The following MAGI1 variants were observed in gnomAD, a reference collection of about 807,000 sequenced individuals.
MAGI1 encodes the protein membrane associated guanylate kinase, WW and PDZ domain containing 1, also known as membrane-associated guanylate kinase, WW and PDZ domain-containing protein 1.
MAGI1 carries 58 observed loss-of-function variants against 139.9 expected under a neutral mutation model. That is an observed-to-expected ratio of 0.41 (90% confidence interval 0.34 to 0.52). MAGI1 has a LOEUF of 0.52. MAGI1 is among the 20% of genes least tolerant of loss of function. MAGI1 has a pLI of 0.12. For missense variants in MAGI1, 1,874 were observed against 1,901.6 expected, an observed-to-expected ratio of 0.99 and a Z score of 0.27; for synonymous variants, 812 against 737.9, an observed-to-expected ratio of 1.10 and a Z score of -1.63.
chr3:65,808,840 T>A (rs1575574157), intron 1 of MAGI1, among the ~76,000 whole-genome samples: 4 of 152,334 alleles, frequency 2.6e-5, no homozygotes, highest in Middle Eastern at 3.4e-3. Context: ...CAGATTTTTT[T>A]AAAGTGCATT....
chr3:65,688,424 C>T (rs528515646), intron 1 of MAGI1: 1 of 523,726 alleles, frequency 1.9e-6, no homozygotes, highest in Non-Finnish European at 3.7e-6. Flanking sequence ...GACAGAAGAA[C>T]CACCTCAAGG....
At chr3:65,630,641 T>C (rs943262386) in intron 1 of MAGI1, among the ~76,000 whole-genome samples, 4 of 152,158 alleles carry the variant, frequency 2.6e-5, no homozygotes, top group African/African-American at 9.7e-5. Flanking sequence ...TTCTCACTTA[T>C]AAGTGGAAGC....
intron 1 of MAGI1, among the ~76,000 whole-genome samples, chr3:65,682,964 A>G (rs947524520): frequency 1.3e-5 from 2 of 152,092 alleles, no homozygotes; most frequent in African/African-American, 4.8e-5. Context: ...TCCACCTCAG[A>G]TCATTAGGCA....
intron 1 of MAGI1, among the ~76,000 whole-genome samples, chr3:65,683,438 T>C (rs2087733340): frequency 6.6e-6 from 1 of 151,540 alleles, no homozygotes; most frequent in Non-Finnish European, 1.5e-5. Flanking sequence ...TGAATTTTGC[T>C]GTGAACTTAA....
chr3:65,638,587 T>A (rs2084782854), intron 1 of MAGI1, among the ~76,000 whole-genome samples: 1 of 135,628 alleles, frequency 7.4e-6, no homozygotes, highest in Non-Finnish European at 1.5e-5. Flanking sequence ...TGCGCCACCA[T>A]GCTCTCCTGA....
chr3:65,721,067 A>T (rs538655281), intron 1 of MAGI1, among the ~76,000 whole-genome samples: 12 of 152,112 alleles, frequency 7.9e-5, no homozygotes, highest in African/African-American at 2.9e-4. Context: ...AAACTTACCG[A>T]GCTGCTGTTA....
chr3:65,396,221 T>C (rs557569965), intron 13 of MAGI1, among the ~76,000 whole-genome samples: 8 of 152,262 alleles, frequency 5.3e-5, no homozygotes, highest in African/African-American at 1.9e-4. Context: ...CATATTAAGA[T>C]AGGAATTTCC....
intron 1 of MAGI1, among the ~76,000 whole-genome samples, chr3:65,675,026 G>A (rs919316802): frequency 6.6e-6 from 1 of 152,020 alleles, no homozygotes; most frequent in African/African-American, 2.4e-5. Flanking sequence ...CATGGGGCTG[G>A]CTCTGCTGTA....
At chr3:65,457,138 C>T (rs770100453) in intron 5 of MAGI1, among the ~76,000 whole-genome samples, 9 of 152,082 alleles carry the variant, frequency 5.9e-5, no homozygotes, top group Admixed American at 1.3e-4. Flanking sequence ...TTGGGGAGCA[C>T]TGACATCTCT....
At chr3:65,735,356 C>CATGTGTGTGTGTGT (rs1553699336) in intron 1 of MAGI1, among the ~76,000 whole-genome samples, 3,647 of 148,164 alleles carry the variant, frequency 0.025, 143 homozygotes, top group African/African-American at 0.085. Context: ...TGTGTCTGCA[C>CATGTGTGTGTGTGT]GTGTGTGTGT....
intron 2 of MAGI1, among the ~76,000 whole-genome samples, chr3:65,494,792 C>T (rs1524969): frequency 0.55 from 83,795 of 152,160 alleles, 23,647 homozygotes; most frequent in East Asian, 0.75. Flanking sequence ...ACCGCATCCA[C>T]ACCTACACTG....
intron 4 of MAGI1, among the ~76,000 whole-genome samples, chr3:65,472,198 CAAAAT>C (rs1229751632): frequency 6.6e-6 from 1 of 151,992 alleles, no homozygotes; most frequent in Non-Finnish European, 1.5e-5. Context: ...TAATCAATAA[CAAAAT>C]AAATTCAAAA....
rs75120750 is a variant in MAGI1 at position 65,820,728 on chromosome 3, T to C, written c.314-198640A>G. Among the ~76,000 whole-genome samples, 151 of 152,292 alleles carry C rather than the reference T, an allele frequency of 9.9e-4. 3 individuals are homozygous for C. In the East Asian group the frequency reaches 0.024, roughly 25 times the overall value. On this transcript the variant is annotated intron_variant, in intron 1 of 22. Coordinates refer to ENST00000402939, the MANE Select transcript of MAGI1 (RefSeq NM_001033057.2). Reference sequence around the variant, plus strand: ...GGACTCTGTTGTCTTAAGTAAATAATGTGCTTCAGGCACATTTTGAGTAGT... The same window carrying C: ...GGACTCTGTTGTCTTAAGTAAATAACGTGCTTCAGGCACATTTTGAGTAGT...
chr3:65,422,879 G>A (rs777728966), intron 12 of MAGI1, among the ~76,000 whole-genome samples: 39 of 152,086 alleles, frequency 2.6e-4, no homozygotes, highest in Non-Finnish European at 4.7e-4. Flanking sequence ...CCCTGACACA[G>A]GACTTTGGAG....
At position 65,830,938 on chromosome 3, in the gene MAGI1, A is replaced by G. The variant is rs372264609; in HGVS notation, c.313+207058T>C. Reference sequence around the variant, plus strand: ...CATTGGGTGGTTTTAGAAAGGTTACACAGTATCTTTAAAATGTAAACTCAT... The same window carrying G: ...CATTGGGTGGTTTTAGAAAGGTTACGCAGTATCTTTAAAATGTAAACTCAT... On this transcript the variant is annotated intron_variant, in intron 1 of 22. Transcript: ENST00000402939. Among the ~76,000 whole-genome samples the G allele has an allele frequency of 3.9e-4, 59 of 152,304 alleles. No homozygotes were observed. The East Asian group carries it at 0.01, about 26-fold the overall frequency.
At chr3:66,023,260 GA>G (rs1343469057) in intron 1 of MAGI1, among the ~76,000 whole-genome samples, 1 of 152,190 alleles carries the variant, frequency 6.6e-6, no homozygotes, top group Non-Finnish European at 1.5e-5. Flanking sequence ...AAGGGGACTA[GA>G]GAAGGAGAGA....
In MAGI1 at chr3:65,430,822, G is replaced by A. The variant is rs1251832337; in HGVS notation, c.1423C>T (p.Leu475=). 3 of 1,613,456 alleles carry A rather than the reference G, an allele frequency of 1.9e-6. No individual in the cohort carries two copies. The highest frequency in any genetic ancestry group is 1.6e-4 in the Middle Eastern group (1 of 6,082). The change falls in exon 11 of 23, where the codon CTG becomes TTG. Residue 475 remains leucine (L), a synonymous_variant. Coordinates refer to ENST00000402939, the MANE Select transcript of MAGI1 (RefSeq NM_001033057.2). ...CCAAAGCCACGACTGCTTTTCCGCA[G>A]CTTTGTGTGAATGAACTTGCCTTTC... ...ELKGKFIHTK[L]RKSSRGFGFT...
At chr3:65,728,158 G>A (rs535501907) in intron 1 of MAGI1, among the ~76,000 whole-genome samples, 1 of 152,332 alleles carries the variant, frequency 6.6e-6, no homozygotes, top group South Asian at 2.1e-4. Flanking sequence ...TAGGAACTGT[G>A]TCTGGGACCA....
intron 1 of MAGI1, among the ~76,000 whole-genome samples, chr3:65,783,638 G>A (rs2039120391): frequency 6.6e-6 from 1 of 151,772 alleles, no homozygotes; most frequent in African/African-American, 2.4e-5. Context: ...GGGACTTCAG[G>A]CGTGCATCAC....
Sources: gnomAD v4.1 joint callset for allele counts (sites outside exome capture counted in the v4.1 genomes callset) on GRCh38, gnomAD v4.1.1 for gene constraint, MANE v1.5 for transcripts, NCBI Gene and HGNC (gene_info 2026-07-23, HGNC 2026-07-21) for gene names.